Variants in ESR1 observed in about 807,000 individuals in gnomAD.
ESR1 encodes the protein estrogen receptor.
A neutral mutation model predicts 52.7 loss-of-function variants in ESR1; 12 were observed. The ratio of observed to expected loss-of-function variants is 0.23; its 90% CI spans 0.15 to 0.37. The LOEUF is 0.37. Among genes scored for constraint, ESR1 ranks in the 10% least tolerant of loss-of-function variants. ESR1 has a pLI of 1.00. For synonymous variants in ESR1, 305 were observed against 316.8 expected (o/e 0.96, Z 0.39); for missense variants, 584 against 779.7 (o/e 0.75, Z 2.99).
At chr6:151,978,732 T>A (rs2039700609) in intron 4 of ESR1, among the ~76,000 whole-genome samples, 1 of 152,150 alleles carries the variant, frequency 6.6e-6, no homozygotes, top group Admixed American at 6.5e-5. Flanking sequence ...TGGGAGAATA[T>A]AATTTTCAAC....
At chr6:151,934,060 C>G (rs987057685) in intron 3 of ESR1, among the ~76,000 whole-genome samples, 2 of 152,210 alleles carry the variant, frequency 1.3e-5, no homozygotes, top group African/African-American at 4.8e-5. Context: ...CTCACCTTAG[C>G]TGGCATGGCC....
At chr6:152,050,261 C>T (rs746852294) in intron 5 of ESR1, among the ~76,000 whole-genome samples, 6 of 152,182 alleles carry the variant, frequency 3.9e-5, no homozygotes, top group Non-Finnish European at 8.8e-5. Flanking sequence ...TAAATTGCTC[C>T]ATGCATTTAT....
At chr6:151,794,034 A>G (rs2128134924) in intron 2 of ESR1, among the ~76,000 whole-genome samples, 1 of 152,366 alleles carries the variant, frequency 6.6e-6, no homozygotes, top group African/African-American at 2.4e-5. Context: ...AAAAATCGTG[A>G]TCGAGTGTAA....
rs1562672631 is a variant in ESR1 at position 152,015,058 on chromosome 6, CAAAA to C, written c.1235+3268_1235+3271del. Among the ~76,000 whole-genome samples the C allele has an allele frequency of 2.6e-5, 4 of 151,898 alleles. No homozygotes were observed. The South Asian group carries it at 8.3e-4, about 32-fold the overall frequency. Reference sequence around the variant, plus strand: ...CTCCAGCCTGGATGAAATTCCGTCTCAAAAAAAGAAAAGAAAATACTGTGTAGAC... The same window carrying C: ...CTCCAGCCTGGATGAAATTCCGTCTCAAAGAAAAGAAAATACTGTGTAGAC... On this transcript the variant is annotated intron_variant, in intron 5 of 7. Coordinates refer to ENST00000206249, the MANE Select transcript of ESR1 (RefSeq NM_000125.4).
Position 152,042,353 on chromosome 6 carries a change from TG to T in ESR1, c.1236-18637del, listed in dbSNP as rs534285227. ...CTGAGCTAAAATTCCATTAATTAAC[TG>T]ATCTCCAAAAGCCCCTACTTTAACT... On this transcript the variant is annotated intron_variant, in intron 5 of 7. Transcript: ENST00000206249. Among the ~76,000 whole-genome samples the T allele has an allele frequency of 8.5e-5, 13 of 152,318 alleles. No homozygotes were observed. In the South Asian group the frequency reaches 2.7e-3, roughly 32 times the overall value.
At chr6:151,671,971 G>A (rs992767841) in intron 1 of ESR1, among the ~76,000 whole-genome samples, 1 of 152,152 alleles carries the variant, frequency 6.6e-6, no homozygotes, top group African/African-American at 2.4e-5. Flanking sequence ...CAGCCTGGGT[G>A]ACAGAGTGAG....
intron 6 of ESR1, among the ~76,000 whole-genome samples, chr6:152,068,853 G>A (rs1373276669): frequency 3.6e-5 from 5 of 140,150 alleles, no homozygotes; most frequent in South Asian, 2.2e-4. Context: ...ACTGTGCCAG[G>A]CACTGCCTGC....
intron 2 of ESR1, among the ~76,000 whole-genome samples, chr6:151,739,379 C>T (rs1000954436): frequency 3.9e-5 from 6 of 152,144 alleles, no homozygotes; most frequent in Non-Finnish European, 7.4e-5. Flanking sequence ...TATCAGGGTA[C>T]AGGTTCTTTT....
intron 2 of ESR1, among the ~76,000 whole-genome samples, chr6:151,772,394 T>G (rs1785596283): frequency 6.6e-6 from 1 of 152,206 alleles, no homozygotes; most frequent in Non-Finnish European, 1.5e-5. Flanking sequence ...TAATAACTTT[T>G]GCATCATATT....
chr6:152,125,380 G>T (rs1210225898), exon 7 of ESR1: 2 of 1,541,254 alleles, frequency 1.3e-6, no homozygotes, highest in Admixed American at 2.0e-5. Context: ...ACAGTATCCT[G>T]CAGATCATCA....
intron 5 of ESR1, among the ~76,000 whole-genome samples, chr6:152,049,691 G>A (rs774738334): frequency 6.6e-6 from 1 of 151,988 alleles, no homozygotes; most frequent in Non-Finnish European, 1.5e-5. Context: ...TGTGGAGGCT[G>A]CAAAAAAGAG....
chr6:151,792,205 A>G (rs1169218902), intron 2 of ESR1, among the ~76,000 whole-genome samples: 2 of 152,216 alleles, frequency 1.3e-5, no homozygotes, highest in African/African-American at 4.8e-5. Context: ...GAGATAAAAA[A>G]TGGTCCACCT....
intron 2 of ESR1, among the ~76,000 whole-genome samples, chr6:151,797,589 A>G (rs1776831820): frequency 6.6e-6 from 1 of 152,236 alleles, no homozygotes; most frequent in Non-Finnish European, 1.5e-5. Flanking sequence ...CTGCTGTTGA[A>G]TATGTTCCAT....
intron 6 of ESR1, among the ~76,000 whole-genome samples, chr6:152,111,790 G>A (rs1412774911): frequency 6.6e-6 from 1 of 152,092 alleles, no homozygotes; most frequent in African/African-American, 2.4e-5. Flanking sequence ...CCTTGAGGAC[G>A]CCAGGCGCAG....
chr6:151,902,461 C>T (rs1796834278), intron 3 of ESR1, among the ~76,000 whole-genome samples: 1 of 152,140 alleles, frequency 6.6e-6, no homozygotes, highest in African/African-American at 2.4e-5. Flanking sequence ...CCAACTACCC[C>T]ATAAAGCTAT....
intron 3 of ESR1, among the ~76,000 whole-genome samples, chr6:151,896,876 G>A (rs1795607672): frequency 6.6e-6 from 1 of 152,066 alleles, no homozygotes; most frequent in African/African-American, 2.4e-5. Flanking sequence ...TTGGATGGTT[G>A]TGTCACTATT....
At chr6:152,004,462 C>T (rs2042184000) in intron 4 of ESR1, among the ~76,000 whole-genome samples, 1 of 151,924 alleles carries the variant, frequency 6.6e-6, no homozygotes, top group Non-Finnish European at 1.5e-5. Context: ...AAAGGAGAGA[C>T]TTTCTTTGCC....
chr6:151,996,692 G>A (rs1562647778), intron 4 of ESR1, among the ~76,000 whole-genome samples: 2 of 152,056 alleles, frequency 1.3e-5, no homozygotes, highest in South Asian at 2.1e-4. Context: ...GAGGGTAAAC[G>A]TAGGACTTTG....
At chr6:152,002,054 C>A (rs2041991415) in intron 4 of ESR1, among the ~76,000 whole-genome samples, 1 of 152,086 alleles carries the variant, frequency 6.6e-6, no homozygotes, top group Admixed American at 6.6e-5. Context: ...TTGTAAAACT[C>A]CCGTTTCGAC....
Sources: allele counts gnomAD v4.1 joint callset (sites outside exome capture counted in the v4.1 genomes callset), GRCh38; gene constraint gnomAD v4.1.1; transcripts MANE v1.5; gene names NCBI Gene and HGNC (gene_info 2026-07-23, HGNC 2026-07-21).